Variants in TNIK observed in about 807,000 individuals in gnomAD.
TNIK encodes TRAF2 and NCK interacting kinase, also known as TRAF2 and NCK-interacting protein kinase.
A neutral mutation model predicts 191.3 loss-of-function variants in TNIK; 49 were observed. The observed-to-expected ratio is 0.26, with a 90% CI of 0.20 to 0.32. The LOEUF is 0.32. Among genes scored for constraint, TNIK ranks in the 10% least tolerant of loss-of-function variants. The probability of loss-of-function intolerance (pLI) is 1.00; values close to 1 mark genes in which losing one functional copy is unlikely to be tolerated. For synonymous variants in TNIK, 594 were observed against 600.9 expected, an observed-to-expected ratio of 0.99 and a Z score of 0.17; for missense variants, 1,155 against 1,702.3, an observed-to-expected ratio of 0.68 and a Z score of 5.66.
intron 21 of TNIK, among the ~76,000 whole-genome samples, chr3:171,105,360 T>C (rs1724627119): frequency 6.6e-6 from 1 of 152,196 alleles, no homozygotes; most frequent in East Asian, 1.9e-4. Context: ...ATCCACAAGA[T>C]GCCAGTACCA....
At chr3:171,227,742 A>T (rs909830476) in intron 3 of TNIK, among the ~76,000 whole-genome samples, 7 of 152,102 alleles carry the variant, frequency 4.6e-5, no homozygotes, top group African/African-American at 1.7e-4. Context: ...TCTATCATTA[A>T]CTTCTCTATT....
At position 171,325,086 on chromosome 3, in the gene TNIK, G is replaced by A. The variant is rs542342636; in HGVS notation, c.123+44534C>T. Among the ~76,000 whole-genome samples the A allele has an allele frequency of 3.4e-4, 52 of 152,092 alleles. 1 individual carries two copies. The highest frequency in any genetic ancestry group is 1.2e-3 in the African/African-American group (51 of 41,478). ...ACTGCACTTCAGCCTGGGCAACAGA[G>A]CCAGACTGTCTCAAAATAAATAAAT... is the stretch of plus-strand genomic sequence containing the variant. On this transcript the variant is annotated intron_variant, in intron 2 of 32. Coordinates refer to ENST00000436636, the MANE Select transcript of TNIK (RefSeq NM_015028.4).
intron 10 of TNIK, among the ~76,000 whole-genome samples, chr3:171,161,930 T>C (rs985551333): frequency 6.6e-6 from 1 of 151,734 alleles, no homozygotes; most frequent in Non-Finnish European, 1.5e-5. Flanking sequence ...AAAATAATAA[T>C]ATAATAATAA....
intron 2 of TNIK, 88 bp from the exon 3 acceptor site, chr3:171,228,309 CA>C: frequency 7.3e-7 from 1 of 1,374,036 alleles, no homozygotes; most frequent in Non-Finnish European, 1.0e-6. Context: ...TTGCTTGGAT[CA>C]GTGCTGTACT....
At chr3:171,248,566 G>A (rs377758831) in intron 2 of TNIK, among the ~76,000 whole-genome samples, 39 of 152,298 alleles carry the variant, frequency 2.6e-4, no homozygotes, top group East Asian at 1.5e-3. Flanking sequence ...CAAAAGACCC[G>A]AGGGCTTAGT....
At chr3:171,163,622 T>C (rs1004912496) in intron 10 of TNIK, among the ~76,000 whole-genome samples, 2 of 152,180 alleles carry the variant, frequency 1.3e-5, no homozygotes, top group African/African-American at 4.8e-5. Context: ...ATTTTAATAC[T>C]CCACCCTAAA....
At position 171,062,336 on chromosome 3, in the gene TNIK, C is replaced by G. The variant is rs1717909268; in HGVS notation, c.*1545G>C. 1 of 152,108 alleles carries G rather than the reference C, an allele frequency of 6.6e-6. No individual in the cohort carries two copies. Among genetic ancestry groups the G allele is most frequent in the East Asian group, 1.9e-4 (1 of 5,202 alleles). 9.4% of individuals were successfully genotyped at this position (152,108 alleles called of 1,614,324 possible). A position where few individuals can be genotyped will look rare whatever the true frequency, so the allele number is the denominator to read the frequency against. Reference sequence around the variant, plus strand: ...TGCACCTGAGATTGCCGGTTGAGCTCTCTATATGTCTCCTGGAGATAACAC... The same window carrying G: ...TGCACCTGAGATTGCCGGTTGAGCTGTCTATATGTCTCCTGGAGATAACAC... On this transcript the variant is annotated 3_prime_UTR_variant, in exon 33 of 33. Coordinates refer to ENST00000436636, the MANE Select transcript of TNIK (RefSeq NM_015028.4).
intron 1 of TNIK, among the ~76,000 whole-genome samples, chr3:171,414,525 G>A (rs1193972589): frequency 1.3e-5 from 2 of 152,072 alleles, no homozygotes; most frequent in Non-Finnish European, 2.9e-5. Context: ...ATCCTTCATC[G>A]CATGCTTCCA....
chr3:171,074,097 C>G (rs1313114775), intron 28 of TNIK, among the ~76,000 whole-genome samples: 1 of 150,326 alleles, frequency 6.7e-6, no homozygotes, highest in Non-Finnish European at 1.5e-5. Context: ...CTGTTCACAA[C>G]AGCAAGGTCA....
intron 4 of TNIK, among the ~76,000 whole-genome samples, chr3:171,201,276 G>A (rs1163510004): frequency 6.6e-6 from 1 of 152,148 alleles, no homozygotes; most frequent in Non-Finnish European, 1.5e-5. Context: ...GTGCATGCCT[G>A]TAATCCCAGC....
rs1052316803 is a variant in TNIK, at chr3:171,062,970, T to G, written c.*911A>C. 6.6e-6 allele frequency: 1 copy of G among 152,182 alleles called. No homozygotes were observed. Among genetic ancestry groups the G allele is most frequent in the African/African-American group, 2.4e-5 (1 of 41,430 alleles). The allele number at this position is 152,182 out of a possible 1,614,324, so 9.4% of individuals were successfully genotyped here. A position where few individuals can be genotyped will look rare whatever the true frequency, so the allele number is the denominator to read the frequency against. ...GCATTTTAAAAAAGACTATGTAAGC[T>G]TGTTTCCCAGAAGCTCTTTCTGTCT... On this transcript the variant is annotated 3_prime_UTR_variant, in exon 33 of 33. Transcript: ENST00000436636.
intron 2 of TNIK, among the ~76,000 whole-genome samples, chr3:171,260,834 C>T (rs1419892897): frequency 1.3e-5 from 2 of 152,152 alleles, no homozygotes; most frequent in Non-Finnish European, 2.9e-5. Flanking sequence ...TCCTTGGGGT[C>T]AAATAGGATG....
At chr3:171,249,189 A>G (rs1362267963) in intron 2 of TNIK, among the ~76,000 whole-genome samples, 6 of 152,228 alleles carry the variant, frequency 3.9e-5, no homozygotes, top group Admixed American at 3.9e-4. Context: ...TTTATCTCAT[A>G]AAACATAAAT....
intron 7 of TNIK, among the ~76,000 whole-genome samples, chr3:171,185,178 CGTGTGT>C (rs148499254): frequency 0.12 from 17,604 of 145,876 alleles, 1,321 homozygotes; most frequent in Non-Finnish European, 0.17. Context: ...ATAGATTTCC[CGTGTGT>C]GTGTGTGTGT....
At chr3:171,197,006 C>T (rs570302482) in intron 4 of TNIK, among the ~76,000 whole-genome samples, 13 of 152,320 alleles carry the variant, frequency 8.5e-5, no homozygotes, top group Middle Eastern at 3.4e-3. Context: ...CCGCCCGCCT[C>T]GGCCTCCCAA....
intron 2 of TNIK, among the ~76,000 whole-genome samples, chr3:171,338,632 G>GCATGTACCAC (rs1358087447): frequency 1.3e-4 from 19 of 151,540 alleles, no homozygotes; most frequent in African/African-American, 4.6e-4. Flanking sequence ...GGGACTACAG[G>GCATGTACCAC]CATGTACCAC....
chr3:171,201,907 A>C (rs1739462352), intron 4 of TNIK, among the ~76,000 whole-genome samples: 1 of 152,234 alleles, frequency 6.6e-6, no homozygotes, highest in Non-Finnish European at 1.5e-5. Context: ...CAAAAAGATG[A>C]GTTCCAAGGA....
chr3:171,145,716 G>A (rs1576956285), intron 12 of TNIK, among the ~76,000 whole-genome samples: 1 of 151,550 alleles, frequency 6.6e-6, no homozygotes, highest in Admixed American at 6.6e-5. Context: ...TGTCATTAGA[G>A]GTCTAGTTTT....
At chr3:171,329,974 G>T (rs1560436574) in intron 2 of TNIK, among the ~76,000 whole-genome samples, 1 of 152,188 alleles carries the variant, frequency 6.6e-6, no homozygotes, top group East Asian at 1.9e-4. Flanking sequence ...GTCAAAGGTT[G>T]TCACAGATGG....
Sources: gnomAD v4.1 joint callset for allele counts (sites outside exome capture counted in the v4.1 genomes callset) on GRCh38, gnomAD v4.1.1 for gene constraint, MANE v1.5 for transcripts, NCBI Gene and HGNC (gene_info 2026-07-23, HGNC 2026-07-21) for gene names.